HPSE2: variants seen among roughly 807,000 people sequenced by gnomAD.
HPSE2 encodes the protein inactive heparanase-2.
Under a neutral mutation model 60.5 loss-of-function variants are expected in HPSE2, and 38 were observed. The observed-to-expected ratio is 0.63, with a 90% CI of 0.48 to 0.82. HPSE2 has a LOEUF of 0.82. Among genes scored for constraint, HPSE2 ranks in the 40% least tolerant of loss-of-function variants. The probability of loss-of-function intolerance (pLI) is 0.00; values close to 1 mark genes in which losing one functional copy is unlikely to be tolerated. For missense variants in HPSE2, 713 were observed against 740.4 expected (o/e 0.96, Z 0.43); for synonymous variants, 295 against 293.2 (o/e 1.01, Z -0.06).
intron 3 of HPSE2, among the ~76,000 whole-genome samples, chr10:98,789,017 T>C (rs1054630995): frequency 6.6e-6 from 1 of 152,190 alleles, no homozygotes; most frequent in African/African-American, 2.4e-5. Context: ...TTTTTAGCAC[T>C]TGTCACTCTA....
At position 99,131,407 on chromosome 10, in the gene HPSE2, T is replaced by A. The variant is rs968133949; in HGVS notation, c.610+12831A>T. On this transcript the variant is annotated intron_variant, in intron 3 of 11. Transcript: ENST00000370552. Reference sequence around the variant, plus strand: ...ACATGCATTTTATAGCAGCACAATTTGCAATTGCAAAAATACAGAACTAGA... The same window carrying A: ...ACATGCATTTTATAGCAGCACAATTAGCAATTGCAAAAATACAGAACTAGA... Among the ~76,000 whole-genome samples, 7 of 152,258 alleles carry A rather than the reference T, an allele frequency of 4.6e-5. No homozygotes were observed. The East Asian group carries it at 1.4e-3, about 29-fold the overall frequency.
At chr10:99,021,179 T>C (rs1282450961) in intron 3 of HPSE2, among the ~76,000 whole-genome samples, 1 of 152,202 alleles carries the variant, frequency 6.6e-6, no homozygotes. Flanking sequence ...CTAATCAATA[T>C]TTACTTAATG....
chr10:98,949,230 G>T (rs568598030), intron 3 of HPSE2, among the ~76,000 whole-genome samples: 1 of 128,730 alleles, frequency 7.8e-6, no homozygotes, highest in Non-Finnish European at 1.6e-5. Flanking sequence ...CCTCCAACAC[G>T]CACACGCACA....
intron 3 of HPSE2, among the ~76,000 whole-genome samples, chr10:99,093,079 T>C (rs1043110592): frequency 1.3e-5 from 2 of 151,974 alleles, no homozygotes; most frequent in Non-Finnish European, 1.5e-5. Context: ...ATACAAAAAA[T>C]TAACCGGGCA....
chr10:98,484,106 C>T (rs1019831248), intron 10 of HPSE2, among the ~76,000 whole-genome samples: 2 of 152,182 alleles, frequency 1.3e-5, no homozygotes, highest in Admixed American at 6.5e-5. Context: ...TTAATACTGA[C>T]ATGCAGCATT....
chr10:99,101,212 A>C (rs978032259), intron 3 of HPSE2, among the ~76,000 whole-genome samples: 3 of 152,240 alleles, frequency 2.0e-5, no homozygotes, highest in African/African-American at 7.2e-5. Context: ...TAAAGAGTCA[A>C]GACCCATCAG....
intron 3 of HPSE2, among the ~76,000 whole-genome samples, chr10:98,815,208 A>T (rs1951257270): frequency 6.6e-6 from 1 of 152,200 alleles, no homozygotes; most frequent in African/African-American, 2.4e-5. Flanking sequence ...CTGGAGCCTG[A>T]GAGGTTGAGG....
chr10:98,500,257 T>C (rs1400695293), intron 9 of HPSE2, among the ~76,000 whole-genome samples: 1 of 152,108 alleles, frequency 6.6e-6, no homozygotes, highest in African/African-American at 2.4e-5. Flanking sequence ...TTCTCCAAGA[T>C]AGAACATATG....
chr10:98,620,814 T>C (rs1946053670), intron 7 of HPSE2, 106 bp from the exon 8 acceptor site: 2 of 818,364 alleles, frequency 2.4e-6, no homozygotes, highest in Non-Finnish European at 4.1e-6. Context: ...TTTCCTGTTT[T>C]CAGGGGGTCA....
At chr10:99,246,745 CAA>C in the HPSE2 span, among the ~76,000 whole-genome samples, 49,979 of 149,328 alleles carry the variant, frequency 0.33, 11,151 homozygotes, top group African/African-American at 0.65. Context: ...GACTCCATCT[CAA>C]AAAAAAAAAA....
intron 3 of HPSE2, among the ~76,000 whole-genome samples, chr10:98,939,473 A>C (rs1018437596): frequency 2.1e-5 from 3 of 143,692 alleles, no homozygotes; most frequent in Non-Finnish European, 3.0e-5. Context: ...AAAAGATCAA[A>C]AGAGACAAAG....
At chr10:98,700,514 A>C (rs1459574166) in intron 5 of HPSE2, among the ~76,000 whole-genome samples, 2 of 130,106 alleles carry the variant, frequency 1.5e-5, no homozygotes, top group Non-Finnish European at 3.5e-5. Context: ...TAAAGACTTA[A>C]ACATTAGACC....
In HPSE2 at chr10:98,658,006, T is replaced by C. The variant is rs1281951875; in HGVS notation, c.1005-16066A>G. Among the ~76,000 whole-genome samples, 5 of 152,194 alleles carry C rather than the reference T, an allele frequency of 3.3e-5. No homozygotes were observed. In the South Asian group the frequency reaches 1.0e-3, roughly 31 times the overall value. On this transcript the variant is annotated intron_variant, in intron 6 of 11. Transcript: ENST00000370552. ...TTTGGAATGAGAACAGACGAAGTTTTGTTTTTTCTCTTCCTTCATAATGAA... is the reference window on the plus strand; with the variant it reads ...TTTGGAATGAGAACAGACGAAGTTTCGTTTTTTCTCTTCCTTCATAATGAA...
chr10:99,160,206 A>G (rs1846769833), intron 2 of HPSE2, among the ~76,000 whole-genome samples: 1 of 152,080 alleles, frequency 6.6e-6, no homozygotes, highest in Non-Finnish European at 1.5e-5. Context: ...ATGATAAAAT[A>G]TATATAAAGA....
At chr10:99,048,611 G>A (rs1284415530) in intron 3 of HPSE2, among the ~76,000 whole-genome samples, 15 of 152,066 alleles carry the variant, frequency 9.9e-5, no homozygotes. Flanking sequence ...AGAAAAGGGG[G>A]TGCTTATACA....
At position 99,227,105 on chromosome 10, in the gene HPSE2, G is replaced by T. The variant is rs552822378; in HGVS notation, c.448+5243C>A. 3.3e-5 allele frequency among the ~76,000 whole-genome samples: 5 copies of T among 152,164 alleles called. No homozygotes were observed. The South Asian group carries it at 6.2e-4, about 19-fold the overall frequency. ...GTGCTGTTCTTACACCATAAGTCTT[G>T]ATTGATAGAATGGGATTAAAAAGAA... is the stretch of plus-strand genomic sequence containing the variant. On this transcript the variant is annotated intron_variant, in intron 2 of 11. Coordinates refer to ENST00000370552, the MANE Select transcript of HPSE2 (RefSeq NM_021828.5).
intron 3 of HPSE2, among the ~76,000 whole-genome samples, chr10:98,954,185 G>T (rs1427798223): frequency 2.6e-5 from 4 of 152,134 alleles, no homozygotes; most frequent in Non-Finnish European, 5.9e-5. Flanking sequence ...GCGTATGCCT[G>T]TAGTCCCAGC....
intron 2 of HPSE2, among the ~76,000 whole-genome samples, chr10:99,204,492 G>A (rs1848677798): frequency 6.6e-6 from 1 of 152,046 alleles, no homozygotes; most frequent in African/African-American, 2.4e-5. Context: ...AAGGTAACAG[G>A]AAACATGAAA....
At chr10:99,050,712 C>T (rs1182681596) in intron 3 of HPSE2, among the ~76,000 whole-genome samples, 1 of 151,986 alleles carries the variant, frequency 6.6e-6, no homozygotes, top group African/African-American at 2.4e-5. Context: ...ATTTGGGACA[C>T]CATGGGTGAA....
Sources: allele counts gnomAD v4.1 joint callset (sites outside exome capture counted in the v4.1 genomes callset), GRCh38; gene constraint gnomAD v4.1.1; transcripts MANE v1.5; gene names NCBI Gene and HGNC (gene_info 2026-07-23, HGNC 2026-07-21).